GALNT17: variants seen among roughly 807,000 people sequenced by gnomAD.
The protein encoded by GALNT17 is UDP-GalNAc:polypeptide N-acetylgalactosaminyltransferase-like 3.
In GALNT17, 29 loss-of-function variants were observed where a neutral mutation model predicts 63.7. That is an observed-to-expected ratio of 0.46 (90% CI 0.34 to 0.62). GALNT17 has a LOEUF of 0.62. Ranked by LOEUF, GALNT17 falls within the 20% of genes least tolerant of loss-of-function variation. GALNT17 has a pLI of 0.01. For missense variants in GALNT17, 603 were observed against 799.6 expected, an observed-to-expected ratio of 0.75 and a Z score of 2.97; for synonymous variants, 305 against 318.3, an observed-to-expected ratio of 0.96 and a Z score of 0.45.
chr7:71,134,613 T>C (rs1382514044), intron 1 of GALNT17, among the ~76,000 whole-genome samples: 1 of 152,118 alleles, frequency 6.6e-6, no homozygotes. Flanking sequence ...ACGGAAGTTA[T>C]GCAGAAGCTC....
intron 2 of GALNT17, among the ~76,000 whole-genome samples, chr7:71,356,482 T>A (rs1405699030): frequency 6.6e-6 from 1 of 152,192 alleles, no homozygotes; most frequent in Non-Finnish European, 1.5e-5. Flanking sequence ...CCTGAGGCTG[T>A]GCCCACTCTC....
At chr7:71,244,395 A>T (rs796676351) in intron 1 of GALNT17, among the ~76,000 whole-genome samples, 9 of 152,302 alleles carry the variant, frequency 5.9e-5, no homozygotes, top group African/African-American at 2.2e-4. Context: ...TTCTGGGAGC[A>T]TTCCAGTAAG....
intron 5 of GALNT17, among the ~76,000 whole-genome samples, chr7:71,547,558 A>G (rs141886598): frequency 6.6e-6 from 1 of 152,146 alleles, no homozygotes; most frequent in African/African-American, 2.4e-5. Flanking sequence ...AAGTGCTAGG[A>G]TTACAGGTGT....
chr7:71,253,380 A>C (rs1790234869), intron 1 of GALNT17, among the ~76,000 whole-genome samples: 1 of 152,294 alleles, frequency 6.6e-6, no homozygotes, highest in African/African-American at 2.4e-5. Flanking sequence ...TACCATGAGA[A>C]CAGTATGGGG....
intron 1 of GALNT17, among the ~76,000 whole-genome samples, chr7:71,305,775 T>G (rs1468120535): frequency 1.3e-5 from 2 of 152,140 alleles, no homozygotes; most frequent in South Asian, 2.1e-4. Context: ...CGAAGAGAGA[T>G]AATTACTAAC....
At chr7:71,144,688 G>A (rs1010247923) in intron 1 of GALNT17, among the ~76,000 whole-genome samples, 3 of 152,084 alleles carry the variant, frequency 2.0e-5, no homozygotes, top group Admixed American at 2.0e-4. Flanking sequence ...GTGAGGAGAT[G>A]GGAGGAGACC....
rs1489021538 is a variant in GALNT17 at position 71,415,872 on chromosome 7, AT to A, written c.590-12del. 4 of 1,565,506 alleles carry A rather than the reference AT, an allele frequency of 2.6e-6. No homozygotes were observed. The Admixed American group carries it at 5.6e-5, about 22-fold the overall frequency. On this transcript the variant is annotated splice_polypyrimidine_tract_variant and intron_variant, in intron 3 of 10. Coordinates refer to ENST00000333538, the MANE Select transcript of GALNT17 (RefSeq NM_022479.3). ...ATGACATGTTTATAGACCTTCTTGC[AT>A]TTTTGTCATTTGCAGAGGAGCTGAA...
Position 71,132,554 on chromosome 7 carries a change from A to G in GALNT17, c.-249A>G. The G allele has an allele frequency of 2.0e-6, 1 of 495,834 alleles. No individual in the cohort carries two copies. The highest frequency in any genetic ancestry group is 3.6e-6 in the Non-Finnish European group (1 of 281,608). The allele number at this position is 495,834 out of a possible 1,614,324, so 30.7% of individuals were successfully genotyped here. A position where few individuals can be genotyped will look rare whatever the true frequency, so the allele number is the denominator to read the frequency against. On this transcript the variant is annotated 5_prime_UTR_variant, in exon 1 of 11. Transcript: ENST00000333538. ...GCCTGGACGGGGCCGTGCGCCGTGG[A>G]CTGAGCAGGCGTCTCGGGGAGCACT...
At chr7:71,710,419 A>T (rs1791775985) in intron 9 of GALNT17, among the ~76,000 whole-genome samples, 1 of 152,114 alleles carries the variant, frequency 6.6e-6, no homozygotes, top group Non-Finnish European at 1.5e-5. Flanking sequence ...GAGGCAAGAG[A>T]ATTGCTTGAA....
chr7:71,414,957 G>T (rs1253307425), intron 3 of GALNT17, among the ~76,000 whole-genome samples: 1 of 151,520 alleles, frequency 6.6e-6, no homozygotes, highest in African/African-American at 2.4e-5. Context: ...CCTATACCTG[G>T]TGATTTTTAT....
intron 1 of GALNT17, among the ~76,000 whole-genome samples, chr7:71,238,584 A>G (rs1039109610): frequency 1.6e-4 from 25 of 152,126 alleles, no homozygotes; most frequent in African/African-American, 6.0e-4. Flanking sequence ...AGGTGGGGAA[A>G]TGAAGGTCTC....
At chr7:71,175,557 AG>A (rs1196885820) in intron 1 of GALNT17, among the ~76,000 whole-genome samples, 1 of 152,214 alleles carries the variant, frequency 6.6e-6, no homozygotes, top group African/African-American at 2.4e-5. Context: ...GAAATAAAGA[AG>A]GAAGGGAATG....
At chr7:71,556,581 G>A (rs1420129109) in intron 5 of GALNT17, among the ~76,000 whole-genome samples, 1 of 152,000 alleles carries the variant, frequency 6.6e-6, no homozygotes, top group African/African-American at 2.4e-5. Context: ...TTTTGAGACA[G>A]AGTCTTACTT....
chr7:71,563,227 C>T (rs1042917102), intron 5 of GALNT17, among the ~76,000 whole-genome samples: 1 of 152,280 alleles, frequency 6.6e-6, no homozygotes, highest in East Asian at 1.9e-4. Context: ...TGGTCGTAAT[C>T]GCAGTTGACT....
chr7:71,203,427 A>G (rs1789212504), intron 1 of GALNT17, among the ~76,000 whole-genome samples: 1 of 152,184 alleles, frequency 6.6e-6, no homozygotes, highest in South Asian at 2.1e-4. Flanking sequence ...CTTGTTGGCC[A>G]TTTGTATCTC....
intron 1 of GALNT17, among the ~76,000 whole-genome samples, chr7:71,193,270 T>A (rs1788986517): frequency 6.6e-6 from 1 of 151,702 alleles, no homozygotes; most frequent in Non-Finnish European, 1.5e-5. Context: ...AGCTAATTTT[T>A]AAATTGTTTT....
chr7:71,675,200 A>C (rs192041513), intron 8 of GALNT17, among the ~76,000 whole-genome samples: 71 of 152,108 alleles, frequency 4.7e-4, no homozygotes, highest in Admixed American at 1.7e-3. Context: ...AAAAATAAAA[A>C]AGAAGCTCTC....
chr7:71,138,677 G>A (rs1787831125), intron 1 of GALNT17, among the ~76,000 whole-genome samples: 1 of 152,112 alleles, frequency 6.6e-6, no homozygotes, highest in African/African-American at 2.4e-5. Context: ...CAAGCATTAG[G>A]AAAGTGGACC....
intron 2 of GALNT17, among the ~76,000 whole-genome samples, chr7:71,354,482 AATC>A (rs1329130375): frequency 6.6e-6 from 1 of 152,166 alleles, no homozygotes; most frequent in Non-Finnish European, 1.5e-5. Context: ...CTATACCGAA[AATC>A]ATCAATTTCT....
Sources: gnomAD v4.1 joint callset for allele counts (sites outside exome capture counted in the v4.1 genomes callset) on GRCh38, gnomAD v4.1.1 for gene constraint, MANE v1.5 for transcripts, NCBI Gene and HGNC (gene_info 2026-07-23, HGNC 2026-07-21) for gene names.